PLEKHM2: variants seen among roughly 807,000 people sequenced by gnomAD.
PLEKHM2 encodes pleckstrin homology and RUN domain containing M2, also known as pleckstrin homology domain-containing family M member 2.
Under a neutral mutation model 116.3 loss-of-function variants are expected in PLEKHM2, and 77 were observed. The ratio of observed to expected loss-of-function variants is 0.66; its 90% CI spans 0.55 to 0.80. The LOEUF (loss-of-function observed/expected upper bound fraction) is 0.80, where lower values mean the gene tolerates loss of function less well. PLEKHM2 is among the 30% of genes least tolerant of loss of function. The pLI is 0.00. For synonymous variants in PLEKHM2, 562 were observed against 571.0 expected (o/e 0.98, Z 0.22); for missense variants, 1,183 against 1,354.9 (o/e 0.87, Z 1.99).
chr1:15,717,716 T>C (rs532094098), intron 3 of PLEKHM2, among the ~76,000 whole-genome samples, 177 bp from the exon 4 acceptor site: 1 of 152,242 alleles, frequency 6.6e-6, no homozygotes, highest in Non-Finnish European at 1.5e-5. Context: ...AGCTACATGC[T>C]GAGGTCTGAC....
At position 15,708,268 on chromosome 1, in the gene PLEKHM2, G is replaced by A. The variant is rs897941743; in HGVS notation, c.61-7969G>A. Among the ~76,000 whole-genome samples the A allele has an allele frequency of 7.9e-5, 12 of 151,764 alleles. No homozygotes were observed. In the South Asian group the frequency reaches 2.1e-3, roughly 26 times the overall value. On this transcript the variant is annotated intron_variant, in intron 1 of 19. Coordinates refer to ENST00000375799, the MANE Select transcript of PLEKHM2 (RefSeq NM_015164.4). Reference sequence around the variant, plus strand: ...AGTCTCGCTCTGTCGCCAGGCTGGAGTGCAGTGGCACGATCTCAGCTCATT... The same window carrying A: ...AGTCTCGCTCTGTCGCCAGGCTGGAATGCAGTGGCACGATCTCAGCTCATT...
rs577719675 is a variant in PLEKHM2, at chr1:15,718,151, C to T, written c.377+159C>T. 3.9e-5 allele frequency among the ~76,000 whole-genome samples: 6 copies of T among 152,228 alleles called. No homozygotes were observed. The South Asian group carries it at 6.2e-4, about 16-fold the overall frequency. The stretch of plus-strand genomic sequence containing the variant: ...GCTGGGTAGCCTTCACCAGGAGCAC[C>T]GGTGTCCCATCTGGGCTCCTGGGTA... On this transcript the variant is annotated intron_variant, in intron 4 of 19. Transcript: ENST00000375799.
chr1:15,730,457 G>A lies in PLEKHM2; in HGVS notation c.2209-75G>A, dbSNP rs1247520324. On this transcript the variant is annotated intron_variant, in intron 14 of 19. Transcript: ENST00000375799. Reference sequence around the variant, plus strand: ...ACTCCATCTCAAAAAGAAAAAAAAAGAACCAGTCCGGGCTCAGCCACCTGC... The same window carrying A: ...ACTCCATCTCAAAAAGAAAAAAAAAAAACCAGTCCGGGCTCAGCCACCTGC... 49 of 1,048,782 alleles carry A rather than the reference G, an allele frequency of 4.7e-5. 1 individual carries two copies. In the East Asian group the frequency reaches 1.2e-3, roughly 25 times the overall value. 65.0% of individuals were successfully genotyped at this position (1,048,782 alleles called of 1,614,324 possible).
chr1:15,734,014 T>C lies in PLEKHM2; in HGVS notation c.*80T>C. ...AGGCACACTGTCACGGCTGTTGTCATGCTGTCGGGAGCCTACAGTCCACCC... is the reference window on the plus strand; with the variant it reads ...AGGCACACTGTCACGGCTGTTGTCACGCTGTCGGGAGCCTACAGTCCACCC... On this transcript the variant is annotated 3_prime_UTR_variant, in exon 20 of 20. Transcript: ENST00000375799. The C allele has an allele frequency of 6.8e-7, 1 of 1,480,518 alleles. No homozygotes were observed. The allele number at this position is 1,480,518 out of a possible 1,614,324, so 91.7% of individuals were successfully genotyped here.
intron 1 of PLEKHM2, among the ~76,000 whole-genome samples, chr1:15,686,687 C>T (rs1007884320): frequency 7.7e-5 from 11 of 142,534 alleles, no homozygotes; most frequent in Admixed American, 2.1e-4. Context: ...CTCGCTCTGT[C>T]GCCCAGGTTA....
intron 1 of PLEKHM2, among the ~76,000 whole-genome samples, chr1:15,710,485 G>A (rs1641310479): frequency 6.6e-6 from 1 of 151,574 alleles, no homozygotes; most frequent in Non-Finnish European, 1.5e-5. Flanking sequence ...GGTGGGGCCC[G>A]GCTAATTTTT....
At chr1:15,704,504 A>G (rs966699475) in intron 1 of PLEKHM2, among the ~76,000 whole-genome samples, 4 of 152,182 alleles carry the variant, frequency 2.6e-5, no homozygotes, top group African/African-American at 9.6e-5. Context: ...TTCAGTACGT[A>G]TTGTTAAAAA....
intron 1 of PLEKHM2, among the ~76,000 whole-genome samples, chr1:15,690,493 T>C (rs1640868266): frequency 6.6e-6 from 1 of 152,236 alleles, no homozygotes; most frequent in Non-Finnish European, 1.5e-5. Context: ...CAAATGTGTA[T>C]GAGTGTGGCT....
intron 1 of PLEKHM2, among the ~76,000 whole-genome samples, chr1:15,686,648 ATTT>A (rs1233033159): frequency 7.5e-6 from 1 of 134,204 alleles, no homozygotes; most frequent in Non-Finnish European, 1.6e-5. Context: ...ACCCGGCTAA[ATTT>A]TTTTTTTTTT....
intron 1 of PLEKHM2, among the ~76,000 whole-genome samples, chr1:15,701,189 G>A (rs1432314736): frequency 2.0e-5 from 3 of 147,910 alleles, no homozygotes; most frequent in African/African-American, 7.5e-5. Flanking sequence ...CCCAGCACTT[G>A]GTGAGGCCGA....
intron 16 of PLEKHM2, 106 bp from the exon 17 acceptor site, chr1:15,731,783 C>T (rs889033455): frequency 1.4e-5 from 13 of 946,504 alleles, no homozygotes; most frequent in African/African-American, 3.3e-5. Context: ...GCCCCCAAGA[C>T]GGTGGGGCAG....
chr1:15,718,570 C>A lies in PLEKHM2; in HGVS notation c.410C>A (p.Thr137Lys). The A allele has an allele frequency of 2.5e-6, 4 of 1,579,296 alleles. No homozygotes were observed. Among genetic ancestry groups the A allele is most frequent in the Non-Finnish European group, 3.4e-6 (4 of 1,160,916 alleles). ...CTGGTCTGCAGCCACGATCACCTGA[C>A]GCTCTTCCTGACCTTGGTGTCCGGG... Reference protein sequence around the residue: ...NALVCSHDHLTLFLTLVSGLE... With the variant: ...NALVCSHDHLKLFLTLVSGLE... The change falls in exon 5 of 20, where the codon ACG becomes AAG. Residue 137 changes from threonine to lysine, a missense_variant. This residue lies in a region of PLEKHM2 where 217 missense variants were observed against 277.6 expected (regional missense o/e 0.78). Coordinates refer to ENST00000375799, the MANE Select transcript of PLEKHM2 (RefSeq NM_015164.4).
chr1:15,697,865 A>G (rs564526905), intron 1 of PLEKHM2, among the ~76,000 whole-genome samples: 148 of 151,822 alleles, frequency 9.7e-4, no homozygotes, highest in South Asian at 5.0e-3. Flanking sequence ...CACCCCCTGC[A>G]TATCTTTCAA....
At position 15,700,731 on chromosome 1, in the gene PLEKHM2, C is replaced by T. The variant is rs553349704; in HGVS notation, c.61-15506C>T. 9.3e-4 allele frequency among the ~76,000 whole-genome samples: 141 copies of T among 152,310 alleles called. 1 individual carries two copies. Among genetic ancestry groups the T allele is most frequent in the African/African-American group, 3.3e-3 (137 of 41,574 alleles). The stretch of plus-strand genomic sequence containing the variant: ...GATAATGAAATTCCTCAGCCCTGGC[C>T]AGCACCCAGCCTTGTCTTAGATCGC... On this transcript the variant is annotated intron_variant, in intron 1 of 19. Transcript: ENST00000375799.
intron 1 of PLEKHM2, among the ~76,000 whole-genome samples, chr1:15,709,597 G>GCCCA (rs1641289740): frequency 6.6e-6 from 1 of 152,142 alleles, no homozygotes; most frequent in African/African-American, 2.4e-5. Flanking sequence ...TGCCAAAGGT[G>GCCCA]CCCACCTCTG....
intron 7 of PLEKHM2, among the ~76,000 whole-genome samples, chr1:15,724,824 C>T (rs1220265937): frequency 6.6e-6 from 1 of 152,170 alleles, no homozygotes; most frequent in Non-Finnish European, 1.5e-5. Flanking sequence ...CTGCAAGGGA[C>T]CCTTCAGAGG....
chr1:15,733,991 G>T lies in PLEKHM2; in HGVS notation c.*57G>T. 3 of 1,557,930 alleles carry T rather than the reference G, an allele frequency of 1.9e-6. No homozygotes were observed. The highest frequency in any genetic ancestry group is 2.6e-6 in the Non-Finnish European group (3 of 1,149,912). ...GAAAGGAAGGCACGCCAGCCGGCAG[G>T]CACACTGTCACGGCTGTTGTCATGC... On this transcript the variant is annotated 3_prime_UTR_variant, in exon 20 of 20. Coordinates refer to ENST00000375799, the MANE Select transcript of PLEKHM2 (RefSeq NM_015164.4).
chr1:15,733,554 G>A (rs1173081058), intron 19 of PLEKHM2, among the ~76,000 whole-genome samples: 1 of 152,254 alleles, frequency 6.6e-6, no homozygotes, highest in Non-Finnish European at 1.5e-5. Flanking sequence ...GCCTCGCTGG[G>A]CCATCCTGAG....
Position 15,728,611 on chromosome 1 carries a change from G to T in PLEKHM2, c.1922-58G>T, listed in dbSNP as rs961466940. 1.4e-6 allele frequency: 2 copies of T among 1,450,448 alleles called. No homozygotes were observed. The highest frequency in any genetic ancestry group is 1.9e-6 in the Non-Finnish European group (2 of 1,049,114). The allele number at this position is 1,450,448 out of a possible 1,614,324, so 89.8% of individuals were successfully genotyped here. A position where few individuals can be genotyped will look rare whatever the true frequency, so the allele number is the denominator to read the frequency against. ...AGGGGGCTGTGTCTAAGAAAATGGG[G>T]CAGGGGGAGGGAAAAGAGGCCTGTG... On this transcript the variant is annotated intron_variant, in intron 11 of 19. Transcript: ENST00000375799. The surrounding 1 kb of genome is among the most constrained non-coding windows in gnomAD (Gnocchi z 5.9).
Sources: gnomAD v4.1 joint callset for allele counts (sites outside exome capture counted in the v4.1 genomes callset) on GRCh38, gnomAD v4.1.1 for gene constraint, gnomAD v4.1.1 regional missense constraint, Gnocchi (gnomAD v3.1) non-coding constraint, MANE v1.5 for transcripts, NCBI Gene and HGNC (gene_info 2026-07-23, HGNC 2026-07-21) for gene names.